NFIL3: variants seen among roughly 807,000 people sequenced by gnomAD.
The protein encoded by NFIL3 is nuclear factor interleukin-3-regulated protein.
In NFIL3, 5 loss-of-function variants were observed where a neutral mutation model predicts 10.0. That is an observed-to-expected ratio of 0.50 (90% CI 0.26 to 1.06). The LOEUF is 1.06. Among genes scored for constraint, NFIL3 ranks in the 50% least tolerant of loss-of-function variants. The pLI is 0.13. For synonymous variants in NFIL3, 202 were observed against 206.5 expected, an observed-to-expected ratio of 0.98 and a Z score of 0.19; for missense variants, 436 against 547.6, an observed-to-expected ratio of 0.80 and a Z score of 2.03.
rs1321365858 is a variant in NFIL3 at position 91,410,639 on chromosome 9, T to G, written c.96A>C (p.Leu32Phe). 1.1e-5 allele frequency: 18 copies of G among 1,614,252 alleles called. No homozygotes were observed. The highest frequency in any genetic ancestry group is 1.4e-5 in the Non-Finnish European group (17 of 1,180,050). Residue 32 changes from leucine (L) to phenylalanine (F), a missense_variant, in exon 2 of 2, where the codon TTA becomes TTC. Coordinates refer to ENST00000297689, the MANE Select transcript of NFIL3 (RefSeq NM_005384.3). The surrounding 1 kb of genome is among the most constrained non-coding windows in gnomAD (Gnocchi z 5.7). ...TTGTGGAGTCTTCTGACACTTCCGT[T>G]AAAGCAGAATTAAGGACCATCATCT... ...VDKMMVLNSALTEVSEDSTTG... is the reference protein window; with the variant it reads ...VDKMMVLNSAFTEVSEDSTTG...
At chr9:91,465,835 G>T in the NFIL3 span, among the ~76,000 whole-genome samples, 7 of 152,050 alleles carry the variant, frequency 4.6e-5, no homozygotes. Flanking sequence ...TTCTTCTAAT[G>T]TCCTTGTTTT....
chr9:91,480,292 G>T, the NFIL3 span, among the ~76,000 whole-genome samples: 8 of 151,998 alleles, frequency 5.3e-5, no homozygotes, highest in African/African-American at 1.7e-4. Context: ...GGAGAACATG[G>T]TCTACCAGAT....
chr9:91,438,642 G>A, the NFIL3 span, among the ~76,000 whole-genome samples: 2 of 152,082 alleles, frequency 1.3e-5, no homozygotes. Flanking sequence ...ATAGTTTCAG[G>A]TCTTAAATTT....
chr9:91,468,702 A>T, the NFIL3 span, among the ~76,000 whole-genome samples: 2 of 152,144 alleles, frequency 1.3e-5, no homozygotes, highest in South Asian at 4.1e-4. Flanking sequence ...TCCATCTTGA[A>T]TTAATTTTTG....
upstream of NFIL3, among the ~76,000 whole-genome samples, chr9:91,427,298 C>T (rs969588352): frequency 6.6e-6 from 1 of 152,174 alleles, no homozygotes; most frequent in Admixed American, 6.5e-5. Context: ...CTGAGTTCTA[C>T]AGAGATGTCC....
chr9:91,452,407 G>T, the NFIL3 span, among the ~76,000 whole-genome samples: 1 of 151,870 alleles, frequency 6.6e-6, no homozygotes, highest in South Asian at 2.1e-4. Flanking sequence ...ATTTTCAGTT[G>T]TCCTACATTT....
chr9:91,442,437 A>G, the NFIL3 span, among the ~76,000 whole-genome samples: 1 of 152,052 alleles, frequency 6.6e-6, no homozygotes, highest in African/African-American at 2.4e-5. Flanking sequence ...CCTCTGCCTG[A>G]GTATTGCTTG....
upstream of NFIL3, among the ~76,000 whole-genome samples, chr9:91,424,059 G>A (rs1474890878): frequency 2.7e-5 from 4 of 150,770 alleles, no homozygotes; most frequent in Admixed American, 1.3e-4. Flanking sequence ...CCCCGGCCAG[G>A]GCCACCGCCG....
At chr9:91,481,306 G>A in the NFIL3 span, among the ~76,000 whole-genome samples, 3 of 152,114 alleles carry the variant, frequency 2.0e-5, no homozygotes, top group Non-Finnish European at 4.4e-5. Context: ...AGCATAAAAC[G>A]TAGTTGGTTT....
upstream of NFIL3, chr9:91,427,076 T>C (rs1242445612): frequency 6.6e-6 from 1 of 152,110 alleles, no homozygotes; most frequent in Admixed American, 6.5e-5. Flanking sequence ...CGTTGACTTT[T>C]TTTTTTTTGG....
chr9:91,420,769 G>A (rs554180384), intron 1 of NFIL3, among the ~76,000 whole-genome samples: 26 of 152,284 alleles, frequency 1.7e-4, no homozygotes, highest in Middle Eastern at 3.4e-3. Context: ...GTACAATCTT[G>A]GAAGTCTTTA....
chr9:91,460,507 C>T, the NFIL3 span, among the ~76,000 whole-genome samples: 5 of 151,936 alleles, frequency 3.3e-5, no homozygotes, highest in South Asian at 4.2e-4. Context: ...GAACTCCTGA[C>T]CTCAAGTGAT....
At position 91,409,820 on chromosome 9, in the gene NFIL3, G is replaced by C; in HGVS notation, c.915C>G (p.Leu305=). 6.2e-7 allele frequency: 1 copy of C among 1,614,098 alleles called. No homozygotes were observed. The highest frequency in any genetic ancestry group is 8.5e-7 in the Non-Finnish European group (1 of 1,180,024). ...PKGPIHSPVE[L]KHVHATVVKV... ...TAACCACAGTTGCATGCACATGCTT[G>C]AGTTCAACTGGAGAATGGATGGGGC... Residue 305 remains leucine (L), a synonymous_variant, in exon 2 of 2, where the codon CTC becomes CTG. Coordinates refer to ENST00000297689, the MANE Select transcript of NFIL3 (RefSeq NM_005384.3).
intron 1 of NFIL3, among the ~76,000 whole-genome samples, chr9:91,422,916 C>T (rs1303992007): frequency 2.0e-5 from 3 of 152,226 alleles, no homozygotes; most frequent in Non-Finnish European, 2.9e-5. Context: ...CGCTGCGCCT[C>T]AATTACCAAA....
chr9:91,416,826 C>T (rs1167946164), intron 1 of NFIL3, among the ~76,000 whole-genome samples: 1 of 151,994 alleles, frequency 6.6e-6, no homozygotes, highest in Non-Finnish European at 1.5e-5. Flanking sequence ...GTCAGATTAC[C>T]CTATTGTTTT....
the NFIL3 span, among the ~76,000 whole-genome samples, chr9:91,437,056 A>T: frequency 6.6e-6 from 1 of 152,128 alleles, no homozygotes; most frequent in Non-Finnish European, 1.5e-5. Context: ...AGTAGAGTTC[A>T]CACTCCTATG....
At chr9:91,442,562 G>C in the NFIL3 span, among the ~76,000 whole-genome samples, 10 of 152,314 alleles carry the variant, frequency 6.6e-5, no homozygotes, top group African/African-American at 2.2e-4. Context: ...TGAGGGGTGT[G>C]TGGGTGAGCA....
At chr9:91,424,175 GC>G (rs953378062), upstream of NFIL3, among the ~76,000 whole-genome samples, 6 of 151,998 alleles carry the variant, frequency 3.9e-5, no homozygotes, top group African/African-American at 1.4e-4. Context: ...GAGCCCGGGA[GC>G]CCCCCGTCCC....
At chr9:91,456,580 A>G in the NFIL3 span, among the ~76,000 whole-genome samples, 2 of 152,056 alleles carry the variant, frequency 1.3e-5, no homozygotes, top group Non-Finnish European at 2.9e-5. Flanking sequence ...TTACATTTTT[A>G]GAGTTTTTCA....
Sources: gnomAD v4.1 joint callset for allele counts (sites outside exome capture counted in the v4.1 genomes callset) on GRCh38, gnomAD v4.1.1 for gene constraint, Gnocchi (gnomAD v3.1) non-coding constraint, MANE v1.5 for transcripts, NCBI Gene and HGNC (gene_info 2026-07-23, HGNC 2026-07-21) for gene names.